PGAP1: variants seen among roughly 807,000 people sequenced by gnomAD.
PGAP1 encodes post-GPI attachment to proteins inositol deacylase 1.
PGAP1 carries 76 observed loss-of-function variants against 127.0 expected under a neutral mutation model. The observed-to-expected ratio is 0.60, with a 90% CI of 0.50 to 0.72. The LOEUF (loss-of-function observed/expected upper bound fraction) is 0.72. Ranked by LOEUF, PGAP1 falls within the 30% of genes least tolerant of loss-of-function variation. PGAP1 has a pLI of 0.00. For synonymous variants in PGAP1, 362 were observed against 366.5 expected, an observed-to-expected ratio of 0.99 and a Z score of 0.14; for missense variants, 982 against 1,071.3, an observed-to-expected ratio of 0.92 and a Z score of 1.16.
intron 9 of PGAP1, among the ~76,000 whole-genome samples, chr2:196,891,891 A>T (rs969531447): frequency 2.0e-5 from 3 of 152,130 alleles, no homozygotes; most frequent in African/African-American, 4.8e-5. Flanking sequence ...AATATGAAAA[A>T]GCAGCTAGAT....
In PGAP1 at chr2:196,912,580, T is replaced by TAAAA. The variant is rs531959600; in HGVS notation, c.649+298_649+301dup. On this transcript the variant is annotated intron_variant, in intron 4 of 26. Coordinates refer to ENST00000354764, the MANE Select transcript of PGAP1 (RefSeq NM_024989.4). ...GGGAGAAAGAGCAAGACCCTGTCTT[T>TAAAA]AAAAAAAAAAAAAAAAAAAAAAAAA... Among the ~76,000 whole-genome samples, 181 of 82,456 alleles carry TAAAA rather than the reference T, an allele frequency of 2.2e-3. 1 individual carries two copies. Among genetic ancestry groups the TAAAA allele is most frequent in the African/African-American group, 7.7e-3 (174 of 22,550 alleles). The allele number at this position is 82,456 out of a possible 152,430, so 54.1% of individuals were successfully genotyped here.
intron 4 of PGAP1, among the ~76,000 whole-genome samples, chr2:196,903,560 CAAAAAAAAAA>C (rs11312715): frequency 8.8e-5 from 7 of 79,326 alleles, no homozygotes; most frequent in East Asian, 7.2e-4. Context: ...GACTCTGTCT[CAAAAAAAAAA>C]AAAAAAAAAA....
intron 19 of PGAP1, among the ~76,000 whole-genome samples, chr2:196,866,309 A>G (rs1458610275): frequency 6.6e-6 from 1 of 152,214 alleles, no homozygotes; most frequent in African/African-American, 2.4e-5. Flanking sequence ...GGCCTCAGAA[A>G]TAACACCACA....
chr2:196,913,434 C>T (rs1004733413), intron 3 of PGAP1, among the ~76,000 whole-genome samples: 5 of 152,046 alleles, frequency 3.3e-5, no homozygotes, highest in Non-Finnish European at 7.4e-5. Flanking sequence ...AAATATCACC[C>T]AAAAAAGGCC....
rs1243362203 is a variant in PGAP1 at position 196,838,664 on chromosome 2, A to G, written c.*2570T>C. On this transcript the variant is annotated 3_prime_UTR_variant, in exon 27 of 27. Transcript: ENST00000354764. ...TCCTTAAAATGAAATTTTTTTTGGC[A>G]TAAATAATACTTTAGGACTTGGTGA... The G allele has an allele frequency of 1.3e-5, 2 of 152,196 alleles. No individual in the cohort carries two copies. Among genetic ancestry groups the G allele is most frequent in the African/African-American group, 4.8e-5 (2 of 41,448 alleles). 9.4% of individuals were successfully genotyped at this position (152,196 alleles called of 1,614,324 possible).
intron 4 of PGAP1, among the ~76,000 whole-genome samples, chr2:196,912,580 TAAAAAAAAA>T (rs531959600): frequency 1.7e-4 from 14 of 82,480 alleles, no homozygotes; most frequent in African/African-American, 4.9e-4. Flanking sequence ...ACCCTGTCTT[TAAAAAAAAA>T]AAAAAAAAAA....
chr2:196,842,365 C>T (rs1244023215), intron 26 of PGAP1, among the ~76,000 whole-genome samples: 2 of 152,026 alleles, frequency 1.3e-5, no homozygotes, highest in Admixed American at 6.5e-5. Flanking sequence ...CAAAAGTAGA[C>T]TAACAGTATA....
rs180969345 is a variant in PGAP1, at chr2:196,895,147, C to G, written c.928-1902G>C. 1.1e-3 allele frequency among the ~76,000 whole-genome samples: 172 copies of G among 152,078 alleles called. 2 individuals are homozygous for G. Among genetic ancestry groups the G allele is most frequent in the Admixed American group, 0.011 (168 of 15,290 alleles). ...AGTTTCATAAACAGTATTTTTGATT[C>G]TTAGTAATATGGTTATCAAAAATTT... is the stretch of plus-strand genomic sequence containing the variant. On this transcript the variant is annotated intron_variant, in intron 7 of 26. Transcript: ENST00000354764.
intron 12 of PGAP1, among the ~76,000 whole-genome samples, chr2:196,882,980 G>A (rs1483020213): frequency 6.6e-6 from 1 of 152,118 alleles, no homozygotes; most frequent in Non-Finnish European, 1.5e-5. Flanking sequence ...TATGATGTTG[G>A]CTGTGGGTTT....
At chr2:196,907,076 G>A (rs1291365864) in intron 4 of PGAP1, among the ~76,000 whole-genome samples, 1 of 61,452 alleles carries the variant, frequency 1.6e-5, no homozygotes, top group Non-Finnish European at 2.9e-5. Context: ...GCAGGCCAAC[G>A]TTCAGATTCA....
chr2:196,896,245 T>C (rs555411984), intron 7 of PGAP1, among the ~76,000 whole-genome samples: 1 of 152,300 alleles, frequency 6.6e-6, no homozygotes, highest in East Asian at 1.9e-4. Context: ...ACAGACAAGG[T>C]AAAACTTATA....
chr2:196,864,838 T>C (rs1701185608), intron 20 of PGAP1, 149 bp downstream of exon 20: 1 of 401,110 alleles, frequency 2.5e-6, no homozygotes, highest in Non-Finnish European at 4.4e-6. Flanking sequence ...AAAAAATAAA[T>C]AATAAAAAGG....
intron 13 of PGAP1, among the ~76,000 whole-genome samples, chr2:196,877,249 T>C (rs768775451): frequency 5.3e-5 from 8 of 152,214 alleles, no homozygotes; most frequent in Non-Finnish European, 1.0e-4. Flanking sequence ...GCAGATAAAT[T>C]CCATATTTGC....
intron 1 of PGAP1, 144 bp downstream of exon 1, chr2:196,926,326 C>T: frequency 1.6e-6 from 2 of 1,279,358 alleles, no homozygotes; most frequent in African/African-American, 1.5e-5. Flanking sequence ...TGCAGAGTCT[C>T]CCCGGGCGGA....
chr2:196,857,021 A>G (rs1700907308), intron 20 of PGAP1, among the ~76,000 whole-genome samples: 1 of 152,086 alleles, frequency 6.6e-6, no homozygotes, highest in African/African-American at 2.4e-5. Flanking sequence ...TGTGAATGGG[A>G]TTGCCTTTCT....
chr2:196,862,535 T>C (rs1180298340), intron 20 of PGAP1, among the ~76,000 whole-genome samples: 3 of 152,146 alleles, frequency 2.0e-5, no homozygotes, highest in Non-Finnish European at 4.4e-5. Flanking sequence ...ATTCGTACAC[T>C]CCCTCCCCTT....
At chr2:196,873,859 T>G (rs1701478794) in intron 14 of PGAP1, 101 bp from the exon 15 acceptor site, 3 of 797,288 alleles carry the variant, frequency 3.8e-6, no homozygotes, top group African/African-American at 1.7e-5. Flanking sequence ...TAATTAAAAA[T>G]TTATTTACAG....
chr2:196,926,484 A>G lies in PGAP1; in HGVS notation c.133T>C (p.Tyr45His), dbSNP rs1247365897. The change falls in exon 1 of 27, where the codon TAC becomes CAC. Residue 45 changes from tyrosine (Y) to histidine (H), a missense_variant. By Grantham distance (83) the Tyr-to-His change is moderately conservative. Coordinates refer to ENST00000354764, the MANE Select transcript of PGAP1 (RefSeq NM_024989.4). ...NKCSMSYMFE[Y>H]PEYQKIELPK... ...CAGAACCTTACCTGATACTCCGGGTACTCAAACATGTAGCTCATACTGCAC... is the reference window on the plus strand; with the variant it reads ...CAGAACCTTACCTGATACTCCGGGTGCTCAAACATGTAGCTCATACTGCAC... The G allele has an allele frequency of 1.9e-6, 3 of 1,614,004 alleles. No homozygotes were observed. In the African/African-American group the frequency reaches 4.0e-5, roughly 22 times the overall value.
At chr2:196,915,901 T>C (rs372855631) in intron 3 of PGAP1, among the ~76,000 whole-genome samples, 62 of 152,006 alleles carry the variant, frequency 4.1e-4, no homozygotes, top group African/African-American at 1.4e-3. Flanking sequence ...CTGCTTTCTT[T>C]AGCTAAGTGA....
Sources: gnomAD v4.1 joint callset for allele counts (sites outside exome capture counted in the v4.1 genomes callset) on GRCh38, gnomAD v4.1.1 for gene constraint, MANE v1.5 for transcripts, NCBI Gene and HGNC (gene_info 2026-07-23, HGNC 2026-07-21) for gene names.